Variants in CATSPERE observed in about 807,000 individuals in gnomAD.
CATSPERE encodes catsper channel auxiliary subunit epsilon, also known as cation channel sperm-associated auxiliary subunit epsilon.
In CATSPERE, 93 loss-of-function variants were observed where a neutral mutation model predicts 114.1. The ratio of observed to expected loss-of-function variants is 0.81; its 90% CI spans 0.69 to 0.97. The LOEUF (loss-of-function observed/expected upper bound fraction) is 0.97. Among genes scored for constraint, CATSPERE ranks in the 50% least tolerant of loss-of-function variants. CATSPERE has a pLI of 0.00. For synonymous variants in CATSPERE, 341 were observed against 384.1 expected, an observed-to-expected ratio of 0.89 and a Z score of 1.31; for missense variants, 1,058 against 1,131.6, an observed-to-expected ratio of 0.93 and a Z score of 0.93.
chr1:244,542,708 A>G (rs1469178232), intron 8 of CATSPERE, among the ~76,000 whole-genome samples: 3 of 152,124 alleles, frequency 2.0e-5, no homozygotes, highest in African/African-American at 7.2e-5. Flanking sequence ...GTATAAGACT[A>G]CCCTGGATCT....
At chr1:244,489,458 T>C (rs940929407) in intron 5 of CATSPERE, among the ~76,000 whole-genome samples, 1 of 24,758 alleles carries the variant, frequency 4.0e-5, no homozygotes, top group Non-Finnish European at 8.2e-5. Flanking sequence ...AGATTTTTTT[T>C]TTTTTTTTTT....
intron 8 of CATSPERE, among the ~76,000 whole-genome samples, chr1:244,521,532 A>C (rs545903685): frequency 4.5e-4 from 68 of 152,294 alleles, no homozygotes; most frequent in Admixed American, 2.4e-3. Flanking sequence ...GAAAAAATAA[A>C]GCTTTATTTC....
At chr1:244,469,215 T>C (rs1310990937) in intron 2 of CATSPERE, among the ~76,000 whole-genome samples, 1 of 152,146 alleles carries the variant, frequency 6.6e-6, no homozygotes, top group Admixed American at 6.5e-5. Context: ...AAACTTTTAT[T>C]AGTAAAACAT....
Position 244,635,533 on chromosome 1 carries a change from T to A in CATSPERE, c.2693T>A (p.Leu898Gln). 6.2e-7 allele frequency: 1 copy of A among 1,612,494 alleles called. No individual in the cohort carries two copies. Among genetic ancestry groups the A allele is most frequent in the South Asian group, 1.1e-5 (1 of 90,954 alleles). ...ATGTTTGCAATAGAGACATTTGGAC[T>A]GATTCCCAGGTAAGGAGCAGGGCCT... ...TAMFAIETFG[L>Q]IPSPSVYLVA... Residue 898 changes from leucine to glutamine, a missense_variant, in exon 21 of 22, where the codon CTG becomes CAG. Coordinates refer to ENST00000366534, the MANE Select transcript of CATSPERE (RefSeq NM_001130957.2).
At chr1:244,514,777 C>T (rs1293038369) in intron 7 of CATSPERE, among the ~76,000 whole-genome samples, 1 of 144,278 alleles carries the variant, frequency 6.9e-6, no homozygotes, top group East Asian at 2.0e-4. Context: ...TGCAGTGAGC[C>T]GAGATCACGT....
intron 20 of CATSPERE, among the ~76,000 whole-genome samples, chr1:244,621,322 ATAT>A (rs1558611618): frequency 3.4e-4 from 2 of 5,922 alleles, no homozygotes; most frequent in African/African-American, 7.7e-4. Flanking sequence ...TAAAATATAT[ATAT>A]ATATATATAT....
At chr1:244,486,484 A>G (rs1163446210) in intron 5 of CATSPERE, among the ~76,000 whole-genome samples, 8 of 149,016 alleles carry the variant, frequency 5.4e-5, no homozygotes, top group African/African-American at 1.3e-4. Flanking sequence ...GTGGTCCAGC[A>G]TGTGGGGTAC....
upstream of CATSPERE, among the ~76,000 whole-genome samples, chr1:244,460,163 C>T (rs545859467): frequency 1.1e-4 from 17 of 152,328 alleles, no homozygotes; most frequent in Non-Finnish European, 1.5e-4. Context: ...TACACAAAGA[C>T]GGTAACAACC....
At chr1:244,488,330 C>T (rs1671408656) in intron 5 of CATSPERE, among the ~76,000 whole-genome samples, 1 of 152,222 alleles carries the variant, frequency 6.6e-6, no homozygotes, top group South Asian at 2.1e-4. Flanking sequence ...CATTCCTTCA[C>T]TCCCTAATAC....
chr1:244,459,077 C>T (rs1009162304), upstream of CATSPERE, among the ~76,000 whole-genome samples: 3 of 144,618 alleles, frequency 2.1e-5, no homozygotes, highest in Admixed American at 2.1e-4. Flanking sequence ...AGGCTGGGCT[C>T]AGCTTTTTTT....
intron 20 of CATSPERE, among the ~76,000 whole-genome samples, chr1:244,618,039 C>A (rs183757185): frequency 1.3e-5 from 2 of 152,192 alleles, no homozygotes; most frequent in East Asian, 3.9e-4. Flanking sequence ...TAAATCAGAG[C>A]AAAATACAGG....
chr1:244,467,228 A>G (rs1667740176), intron 2 of CATSPERE, among the ~76,000 whole-genome samples: 2 of 152,152 alleles, frequency 1.3e-5, no homozygotes, highest in Non-Finnish European at 2.9e-5. Context: ...CCAGGCCCAG[A>G]TGGTTTTGTG....
At chr1:244,489,484 TGGAAAGAAAGAG>T (rs1671614910) in intron 5 of CATSPERE, among the ~76,000 whole-genome samples, 3 of 82,466 alleles carry the variant, frequency 3.6e-5, no homozygotes, top group African/African-American at 1.3e-4. Context: ...TTTTTTTTGG[TGGAAAGAAAGAG>T]GTTTATTGAA....
intron 2 of CATSPERE, among the ~76,000 whole-genome samples, chr1:244,465,239 T>G (rs1466118737): frequency 6.6e-6 from 1 of 152,148 alleles, no homozygotes; most frequent in Non-Finnish European, 1.5e-5. Flanking sequence ...TTTCACCATA[T>G]TGGCCAGGCT....
At chr1:244,636,376 G>C (rs1370807466) in intron 21 of CATSPERE, among the ~76,000 whole-genome samples, 1 of 152,138 alleles carries the variant, frequency 6.6e-6, no homozygotes, top group African/African-American at 2.4e-5. Context: ...TGGCCCTACT[G>C]TAAATATGAC....
Position 244,640,017 on chromosome 1 carries a change from G to T in CATSPERE, c.2792G>T (p.Arg931Met). The T allele has an allele frequency of 1.3e-6, 2 of 1,550,644 alleles. No individual in the cohort carries two copies. Among genetic ancestry groups the T allele is most frequent in the Non-Finnish European group, 1.7e-6 (2 of 1,146,494 alleles). ...GTTTTGAGCTACTTTCGGTACATGA[G>T]GATTTATAGACGATATATTTATGAA... is the stretch of plus-strand genomic sequence containing the variant. The part of the protein sequence containing the change: ...ILVLSYFRYM[R>M]IYRRYIYEPL... Residue 931 changes from arginine (R) to methionine (M), a missense_variant, in exon 22 of 22, where the codon AGG becomes ATG. Arg to Met is a moderately conservative substitution (Grantham distance 91). This residue lies in a region of CATSPERE where 787 missense variants were observed against 905.6 expected (regional missense o/e 0.87). Transcript: ENST00000366534.
Position 244,568,893 on chromosome 1 carries a change from A to G in CATSPERE, c.1508-3437A>G, listed in dbSNP as rs981685796. Among the ~76,000 whole-genome samples, 2 of 152,142 alleles carry G rather than the reference A, an allele frequency of 1.3e-5. No homozygotes were observed. The highest frequency in any genetic ancestry group is 4.8e-5 in the African/African-American group (2 of 41,424). On this transcript the variant is annotated intron_variant, in intron 10 of 21. Coordinates refer to ENST00000366534, the MANE Select transcript of CATSPERE (RefSeq NM_001130957.2). The surrounding 1 kb of genome is among the most constrained non-coding windows in gnomAD (Gnocchi z 4.4). ...GTTCCTGGCACCACTGGGGTATGAA[A>G]AAAAACAAAAACAAAAACAAAGACA...
chr1:244,639,746 T>A (rs998121797), intron 21 of CATSPERE, among the ~76,000 whole-genome samples, 182 bp from the exon 22 acceptor site: 1 of 151,980 alleles, frequency 6.6e-6, no homozygotes, highest in Non-Finnish European at 1.5e-5. Flanking sequence ...CTTGTCTATT[T>A]TCCTCCCTGT....
chr1:244,485,985 C>A (rs3003305), intron 5 of CATSPERE, among the ~76,000 whole-genome samples: 1 of 151,918 alleles, frequency 6.6e-6, no homozygotes, highest in Non-Finnish European at 1.5e-5. Context: ...CACCAGGCCT[C>A]TATCTAAATT....
Sources: allele counts gnomAD v4.1 joint callset (sites outside exome capture counted in the v4.1 genomes callset), GRCh38; gene constraint gnomAD v4.1.1; regional missense constraint gnomAD v4.1.1; non-coding constraint Gnocchi (gnomAD v3.1); transcripts MANE v1.5; gene names NCBI Gene and HGNC (gene_info 2026-07-23, HGNC 2026-07-21).